The following LSAMP variants were observed in gnomAD, a reference collection of about 807,000 sequenced individuals.
The protein encoded by LSAMP is limbic system-associated membrane protein.
A neutral mutation model predicts 38.6 loss-of-function variants in LSAMP; 7 were observed. That is an observed-to-expected ratio of 0.18 (90% CI 0.10 to 0.34). The LOEUF (loss-of-function observed/expected upper bound fraction) is 0.34, where lower values mean the gene tolerates loss of function less well. Among genes scored for constraint, LSAMP ranks in the 10% least tolerant of loss-of-function variants. The pLI, the probability that LSAMP is intolerant of heterozygous loss-of-function variation, is 1.00. For missense variants in LSAMP, 313 were observed against 420.0 expected (o/e 0.75, Z 2.23); for synonymous variants, 154 against 166.8 (o/e 0.92, Z 0.59).
At chr3:116,368,846 C>T (rs1051775498) in intron 1 of LSAMP, among the ~76,000 whole-genome samples, 1 of 152,014 alleles carries the variant, frequency 6.6e-6, no homozygotes, top group African/African-American at 2.4e-5. Flanking sequence ...CCTTTTTAAA[C>T]TTTTAGAAAA....
chr3:115,896,359 T>C (rs891054144), intron 3 of LSAMP, among the ~76,000 whole-genome samples: 8 of 152,090 alleles, frequency 5.3e-5, no homozygotes, highest in Admixed American at 1.3e-4. Flanking sequence ...TCAACTGAAA[T>C]TGATTGCTAC....
At chr3:116,036,835 A>T (rs1331005075) in intron 2 of LSAMP, among the ~76,000 whole-genome samples, 1 of 152,186 alleles carries the variant, frequency 6.6e-6, no homozygotes, top group Non-Finnish European at 1.5e-5. Context: ...ATTGTACTAA[A>T]AATTCTTACT....
intron 2 of LSAMP, among the ~76,000 whole-genome samples, chr3:116,076,232 A>AGTCT (rs1707739011): frequency 6.6e-6 from 1 of 151,898 alleles, no homozygotes; most frequent in South Asian, 2.1e-4. Context: ...TAGCTGTAGA[A>AGTCT]GTCTTTCTTC....
chr3:115,989,471 A>G (rs1012881660), intron 3 of LSAMP, among the ~76,000 whole-genome samples: 1 of 152,146 alleles, frequency 6.6e-6, no homozygotes, highest in African/African-American at 2.4e-5. Context: ...CAAAAGTACA[A>G]TAAAGGCTTC....
intron 1 of LSAMP, among the ~76,000 whole-genome samples, chr3:116,437,884 C>G (rs961794461): frequency 8.5e-5 from 13 of 152,064 alleles, no homozygotes; most frequent in African/African-American, 2.9e-4. Flanking sequence ...TTTTTCTCTT[C>G]TCAGTTAAAA....
At position 116,249,460 on chromosome 3, in the gene LSAMP, G is replaced by A. The variant is rs548361219; in HGVS notation, c.156-162904C>T. On this transcript the variant is annotated intron_variant, in intron 1 of 6. Transcript: ENST00000490035. The stretch of plus-strand genomic sequence containing the variant: ...GAGTGCAGTGGCGCAATCTCAGCTC[G>A]CTACAACCTCTGTCTCCTAACTTTG... Among the ~76,000 whole-genome samples, 11 of 151,500 alleles carry A rather than the reference G, an allele frequency of 7.3e-5. No homozygotes were observed. In the South Asian group the frequency reaches 1.7e-3, roughly 23 times the overall value.
intron 1 of LSAMP, among the ~76,000 whole-genome samples, chr3:116,336,276 G>C (rs1045167165): frequency 6.6e-6 from 1 of 151,886 alleles, no homozygotes; most frequent in Non-Finnish European, 1.5e-5. Context: ...TGGACTTTTG[G>C]AAATTAAAAA....
intron 1 of LSAMP, among the ~76,000 whole-genome samples, chr3:116,332,984 C>T (rs1371011423): frequency 6.6e-6 from 1 of 151,766 alleles, no homozygotes; most frequent in Non-Finnish European, 1.5e-5. Flanking sequence ...CTTCAAAATA[C>T]ATAAAATAAA....
In LSAMP at chr3:116,240,782, G is replaced by T. The variant is rs1183077784; in HGVS notation, c.156-154226C>A. Among the ~76,000 whole-genome samples, 3 of 152,214 alleles carry T rather than the reference G, an allele frequency of 2.0e-5. No individual in the cohort carries two copies. The South Asian group carries it at 6.2e-4, about 32-fold the overall frequency. On this transcript the variant is annotated intron_variant, in intron 1 of 6. Coordinates refer to ENST00000490035, the MANE Select transcript of LSAMP (RefSeq NM_002338.5). ...GAATGAGAAGGCAACAGTTTCATTA[G>T]ATTCTCAAGAGAGCTGATAAAACAA...
At chr3:116,164,042 G>A (rs1358173293) in intron 1 of LSAMP, among the ~76,000 whole-genome samples, 1 of 152,014 alleles carries the variant, frequency 6.6e-6, no homozygotes, top group Non-Finnish European at 1.5e-5. Flanking sequence ...ACTGACTTTC[G>A]TTTTGTATTT....
intron 1 of LSAMP, among the ~76,000 whole-genome samples, chr3:116,324,406 C>T (rs2047742895): frequency 1.3e-5 from 2 of 152,112 alleles, no homozygotes; most frequent in South Asian, 2.1e-4. Context: ...CGTTTACTCA[C>T]TTAGGAAGAA....
At chr3:115,957,029 A>G (rs1469250797) in intron 3 of LSAMP, among the ~76,000 whole-genome samples, 1 of 152,238 alleles carries the variant, frequency 6.6e-6, no homozygotes, top group African/African-American at 2.4e-5. Context: ...CTAATACCTC[A>G]AAGTTTTATA....
At chr3:115,867,168 CA>C (rs1490487811) in intron 3 of LSAMP, among the ~76,000 whole-genome samples, 1 of 151,746 alleles carries the variant, frequency 6.6e-6, no homozygotes, top group Non-Finnish European at 1.5e-5. Context: ...TTGTTGAATC[CA>C]AATATTGATA....
At chr3:116,437,026 T>C (rs1447952657) in intron 1 of LSAMP, among the ~76,000 whole-genome samples, 1 of 140,466 alleles carries the variant, frequency 7.1e-6, no homozygotes, top group Non-Finnish European at 1.5e-5. Flanking sequence ...TATGTGTGTG[T>C]ATATATATAT....
intron 1 of LSAMP, among the ~76,000 whole-genome samples, chr3:116,423,108 G>T (rs1010724843): frequency 2.6e-5 from 4 of 152,200 alleles, no homozygotes; most frequent in African/African-American, 7.2e-5. Context: ...TAAACAAACA[G>T]ATTAATGGAT....
intron 1 of LSAMP, among the ~76,000 whole-genome samples, chr3:116,214,806 A>G: frequency 6.6e-6 from 1 of 152,122 alleles, no homozygotes; most frequent in East Asian, 1.9e-4. Context: ...CCCAGCCAGG[A>G]TGGGTCCTTT....
At chr3:115,938,012 G>A (rs1937768089) in intron 3 of LSAMP, among the ~76,000 whole-genome samples, 1 of 152,170 alleles carries the variant, frequency 6.6e-6, no homozygotes, top group African/African-American at 2.4e-5. Flanking sequence ...TAGTTTGAAA[G>A]CATTCATTAA....
At position 116,254,408 on chromosome 3, in the gene LSAMP, G is replaced by T. The variant is rs538723116; in HGVS notation, c.156-167852C>A. Among the ~76,000 whole-genome samples the T allele has an allele frequency of 5.9e-3, 892 of 152,014 alleles. 6 individuals are homozygous for T. Among genetic ancestry groups the T allele is most frequent in the Middle Eastern group, 6.8e-3 (2 of 294 alleles). ...GATTATTAAAGAGAAAAAAATTAAA[G>T]AAAGAGGAGGGGGTGATAGAGGGAG... On this transcript the variant is annotated intron_variant, in intron 1 of 6. Transcript: ENST00000490035.
At chr3:116,435,294 T>C (rs2049334760) in intron 1 of LSAMP, among the ~76,000 whole-genome samples, 1 of 152,158 alleles carries the variant, frequency 6.6e-6, no homozygotes, top group Non-Finnish European at 1.5e-5. Flanking sequence ...CCCTAATTCC[T>C]GAGGACTCAA....
Sources: gnomAD v4.1 joint callset for allele counts (sites outside exome capture counted in the v4.1 genomes callset) on GRCh38, gnomAD v4.1.1 for gene constraint, MANE v1.5 for transcripts, NCBI Gene and HGNC (gene_info 2026-07-23, HGNC 2026-07-21) for gene names.